The following FHIT variants were observed in gnomAD, a reference collection of about 807,000 sequenced individuals.
The protein encoded by FHIT is bis(5'-adenosyl)-triphosphatase.
FHIT carries 19 observed loss-of-function variants against 17.9 expected under a neutral mutation model. That is an observed-to-expected ratio of 1.06 (90% confidence interval 0.74 to 1.56). FHIT has a LOEUF of 1.56. Among genes scored for constraint, FHIT ranks in the 40% most tolerant of loss-of-function variants. The pLI, the probability that FHIT is intolerant of heterozygous loss-of-function variation, is 0.00. For synonymous variants in FHIT, 81 were observed against 69.7 expected (o/e 1.16, Z -0.81); for missense variants, 248 against 189.2 (o/e 1.31, Z -1.82).
At chr3:60,110,119 C>A (rs1055855184) in intron 5 of FHIT, among the ~76,000 whole-genome samples, 3 of 152,156 alleles carry the variant, frequency 2.0e-5, no homozygotes, top group African/African-American at 7.2e-5. Context: ...TTCTTCATCA[C>A]TCTATTCCCA....
At chr3:60,617,950 C>T (rs1295700470) in intron 4 of FHIT, 3 of 264,412 alleles carry the variant, frequency 1.1e-5, no homozygotes, top group Admixed American at 9.9e-5. Flanking sequence ...GTTCTGGATT[C>T]AAGCATAAGT....
At chr3:60,735,802 A>G (rs1163288916) in intron 4 of FHIT, among the ~76,000 whole-genome samples, 7 of 152,234 alleles carry the variant, frequency 4.6e-5, no homozygotes, top group African/African-American at 1.7e-4. Context: ...TTTGTAAATA[A>G]AGAAGTTAAG....
chr3:60,326,245 T>A (rs1482484387), intron 5 of FHIT, among the ~76,000 whole-genome samples: 1 of 152,134 alleles, frequency 6.6e-6, no homozygotes, highest in African/African-American at 2.4e-5. Context: ...TAATATATAA[T>A]GAAATAATTC....
At chr3:60,403,782 C>A (rs1299150636) in intron 5 of FHIT, among the ~76,000 whole-genome samples, 1 of 152,026 alleles carries the variant, frequency 6.6e-6, no homozygotes, top group Non-Finnish European at 1.5e-5. Context: ...TTTGTTGAGC[C>A]CAAGTACAAA....
At chr3:59,777,768 T>TA (rs35015822) in intron 8 of FHIT, among the ~76,000 whole-genome samples, 97,036 of 151,850 alleles carry the variant, frequency 0.64, 31,721 homozygotes, top group Middle Eastern at 0.72. Context: ...ACAACTCCTC[T>TA]GCCTGCTCAC....
rs146465026 is a variant in FHIT at position 60,418,857 on chromosome 3, G to A, written c.103+118003C>T. ...TGCTGAACATTAGATAGCATATTATGATGCAAATAAATGTGCTATAATAGC... is the reference window on the plus strand; with the variant it reads ...TGCTGAACATTAGATAGCATATTATAATGCAAATAAATGTGCTATAATAGC... On this transcript the variant is annotated intron_variant, in intron 5 of 9. Transcript: ENST00000492590. 3.3e-5 allele frequency among the ~76,000 whole-genome samples: 5 copies of A among 152,112 alleles called. No individual in the cohort carries two copies. In the East Asian group the frequency reaches 9.7e-4, roughly 30 times the overall value.
chr3:60,644,227 C>T (rs1374850590), intron 4 of FHIT, among the ~76,000 whole-genome samples: 1 of 152,186 alleles, frequency 6.6e-6, no homozygotes, highest in Non-Finnish European at 1.5e-5. Flanking sequence ...TGCTTTCCTG[C>T]TACTGAATCT....
intron 5 of FHIT, among the ~76,000 whole-genome samples, chr3:60,295,599 C>A (rs534087242): frequency 4.6e-5 from 7 of 152,176 alleles, no homozygotes; most frequent in African/African-American, 1.4e-4. Context: ...CACCATGACC[C>A]AAACACCTCC....
intron 1 of FHIT, among the ~76,000 whole-genome samples, chr3:61,249,607 G>C (rs1181013166): frequency 6.6e-6 from 1 of 152,108 alleles, no homozygotes; most frequent in African/African-American, 2.4e-5. Flanking sequence ...ACTTGAACAA[G>C]TTACTTAACT....
chr3:60,972,601 G>T (rs1710071950), intron 3 of FHIT, among the ~76,000 whole-genome samples: 1 of 149,988 alleles, frequency 6.7e-6, no homozygotes. Flanking sequence ...ATGGCTTGAT[G>T]TTATTCATTA....
intron 8 of FHIT, among the ~76,000 whole-genome samples, chr3:59,896,699 T>C (rs759221962): frequency 6.6e-6 from 1 of 152,222 alleles, no homozygotes; most frequent in Non-Finnish European, 1.5e-5. Flanking sequence ...CAAATATGGT[T>C]CAGCAGTGTG....
rs530478519 is a variant in FHIT, at chr3:61,067,232, G to C, written c.-163-25133C>G. ...TTCTTATTATCTCTATGCATCAGGA[G>C]TCCCCAAGACAATCCTTAGACTCAA... On this transcript the variant is annotated intron_variant, in intron 2 of 9. Coordinates refer to ENST00000492590, the MANE Select transcript of FHIT (RefSeq NM_002012.4). Among the ~76,000 whole-genome samples, 10 of 152,230 alleles carry C rather than the reference G, an allele frequency of 6.6e-5. No homozygotes were observed. In the South Asian group the frequency reaches 2.1e-3, roughly 32 times the overall value.
chr3:61,169,298 C>T (rs924980848), intron 2 of FHIT, among the ~76,000 whole-genome samples: 6 of 152,272 alleles, frequency 3.9e-5, no homozygotes, highest in Non-Finnish European at 7.3e-5. Flanking sequence ...CAATTTGCAA[C>T]TCATCTTAAC....
At chr3:60,620,302 C>A (rs2039083952) in intron 4 of FHIT, among the ~76,000 whole-genome samples, 1 of 152,130 alleles carries the variant, frequency 6.6e-6, no homozygotes, top group African/African-American at 2.4e-5. Context: ...TTGGTATTTA[C>A]CCAAAGTAGT....
At chr3:59,947,791 G>A (rs181467075) in intron 7 of FHIT, among the ~76,000 whole-genome samples, 1 of 152,218 alleles carries the variant, frequency 6.6e-6, no homozygotes, top group Non-Finnish European at 1.5e-5. Context: ...CACTGGGGCA[G>A]TGGCAGCAGG....
chr3:60,128,943 T>G (rs1699388049), intron 5 of FHIT, among the ~76,000 whole-genome samples: 1 of 152,154 alleles, frequency 6.6e-6, no homozygotes, highest in Non-Finnish European at 1.5e-5. Flanking sequence ...CTTCAGTTTG[T>G]TTTTAACAAC....
intron 8 of FHIT, among the ~76,000 whole-genome samples, chr3:59,806,178 C>CAAA (rs35957311): frequency 8.6e-5 from 10 of 116,402 alleles, no homozygotes; most frequent in African/African-American, 3.1e-4. Flanking sequence ...GAATCTGTCT[C>CAAA]AAAAAAAAAA....
At chr3:60,615,869 G>T (rs78966496) in intron 4 of FHIT, among the ~76,000 whole-genome samples, 2,042 of 152,268 alleles carry the variant, frequency 0.013, 57 homozygotes, top group African/African-American at 0.047. Flanking sequence ...TTCCCTGGAT[G>T]GTTCGAGTGA....
At chr3:60,659,507 T>C (rs532700131) in intron 4 of FHIT, among the ~76,000 whole-genome samples, 77 of 152,256 alleles carry the variant, frequency 5.1e-4, no homozygotes, top group Middle Eastern at 3.4e-3. Context: ...TTGTCCTATC[T>C]TCAAGTTTAC....
Sources: gnomAD v4.1 joint callset for allele counts (sites outside exome capture counted in the v4.1 genomes callset) on GRCh38, gnomAD v4.1.1 for gene constraint, MANE v1.5 for transcripts, NCBI Gene and HGNC (gene_info 2026-07-23, HGNC 2026-07-21) for gene names.